BLZF1: variants seen among roughly 807,000 people sequenced by gnomAD.
BLZF1 encodes golgin-45.
In BLZF1, 39 loss-of-function variants were observed where a neutral mutation model predicts 43.8. That is an observed-to-expected ratio of 0.89 (90% confidence interval 0.69 to 1.16). BLZF1 has a LOEUF of 1.16. BLZF1 is among the 50% of genes most tolerant of loss of function. The probability of loss-of-function intolerance (pLI) is 0.00; values close to 1 mark genes in which losing one functional copy is unlikely to be tolerated. For missense variants in BLZF1, 449 were observed against 469.8 expected (o/e 0.96, Z 0.41); for synonymous variants, 136 against 159.4 (o/e 0.85, Z 1.11).
rs1326927214 is a variant in BLZF1, at chr1:169,387,418, C to A, written c.*236C>A. ...TTTAAAATAGAGAATACTTTCCAAG[C>A]AATACATGATACTTTTCCTAAAAGA... is the stretch of plus-strand genomic sequence containing the variant. On this transcript the variant is annotated 3_prime_UTR_variant, in exon 7 of 7. Coordinates refer to ENST00000367808, the MANE Select transcript of BLZF1 (RefSeq NM_001320973.2). 2.9e-6 allele frequency: 1 copy of A among 347,750 alleles called. No individual in the cohort carries two copies. The highest frequency in any genetic ancestry group is 5.3e-5 in the East Asian group (1 of 18,950). The allele number at this position is 347,750 out of a possible 1,614,324, so 21.5% of individuals were successfully genotyped here.
intron 7 of BLZF1, chr1:169,395,831 G>T (rs1228589169): frequency 1.4e-5 from 2 of 145,876 alleles, no homozygotes; most frequent in Non-Finnish European, 3.0e-5. Context: ...TGGTATGTTT[G>T]TGTGTGTGTG....
chr1:169,395,962 G>A (rs901570942), exon 8 of BLZF1: 1 of 151,640 alleles, frequency 6.6e-6, no homozygotes, highest in African/African-American at 2.4e-5. Flanking sequence ...GATGATATGT[G>A]GTCCTGAATT....
rs1459057155 is a variant in BLZF1 at position 169,394,958 on chromosome 1, TTTA to T, written c.*28-935_*28-933del. 1,582 of 1,172,120 alleles carry T rather than the reference TTTA, an allele frequency of 1.3e-3. 13 individuals carry two copies. The African/African-American group carries it at 0.021, about 16-fold the overall frequency. 72.6% of individuals were successfully genotyped at this position (1,172,120 alleles called of 1,614,324 possible). ...TAAAAGATAAATACCATTTCCATAATTTAGAATACAACCAAAGTACACAGACCC... is the reference window on the plus strand; with the variant it reads ...TAAAAGATAAATACCATTTCCATAATGAATACAACCAAAGTACACAGACCC... On this transcript the variant is annotated intron_variant, in intron 7 of 7. Transcript: ENST00000329281.
chr1:169,373,002 T>C (rs1253841357), intron 2 of BLZF1, among the ~76,000 whole-genome samples: 1 of 152,200 alleles, frequency 6.6e-6, no homozygotes, highest in African/African-American at 2.4e-5. Context: ...ATTGTTGTTA[T>C]AGTTTGAATT....
intron 2 of BLZF1, among the ~76,000 whole-genome samples, chr1:169,371,286 C>T (rs1007495154): frequency 7.9e-5 from 12 of 152,046 alleles, no homozygotes; most frequent in Admixed American, 6.6e-4. Flanking sequence ...TGTCAAAAAG[C>T]AAAAACTAAA....
chr1:169,383,141 C>T (rs1654574561), intron 6 of BLZF1, among the ~76,000 whole-genome samples: 2 of 152,132 alleles, frequency 1.3e-5, no homozygotes, highest in South Asian at 4.1e-4. Flanking sequence ...TATTTCAGTA[C>T]CCATCAAATA....
In BLZF1 at chr1:169,387,267, T is replaced by C. The variant is rs1210443489; in HGVS notation, c.*85T>C. The C allele has an allele frequency of 1.7e-5, 21 of 1,204,598 alleles. No homozygotes were observed. Among genetic ancestry groups the C allele is most frequent in the Non-Finnish European group, 2.5e-5 (21 of 848,032 alleles). 74.6% of individuals were successfully genotyped at this position (1,204,598 alleles called of 1,614,324 possible). On this transcript the variant is annotated 3_prime_UTR_variant, in exon 7 of 7. Coordinates refer to ENST00000367808, the MANE Select transcript of BLZF1 (RefSeq NM_001320973.2). Reference sequence around the variant, plus strand: ...TTGGGAGCTGGGGTTCTTACAATGCTAGAAATAATATCACTTCCTATTTAC... The same window carrying C: ...TTGGGAGCTGGGGTTCTTACAATGCCAGAAATAATATCACTTCCTATTTAC...
Position 169,382,119 on chromosome 1 carries a change from T to C in BLZF1, c.855T>C (p.Pro285=), listed in dbSNP as rs769948503. The change falls in exon 6 of 7, where the codon CCT becomes CCC. Residue 285 remains proline (P), a synonymous_variant. Transcript: ENST00000367808. ...GGGGAAGAGAGCAAACTTACTCCCC[T>C]AGTGTACAACCCCACAGCACAGCAG... The part of the protein sequence containing the change: ...LQWGREQTYS[P]SVQPHSTAEL... 3 of 1,613,878 alleles carry C rather than the reference T, an allele frequency of 1.9e-6. No homozygotes were observed. Among genetic ancestry groups the C allele is most frequent in the Non-Finnish European group, 2.5e-6 (3 of 1,179,792 alleles).
downstream of BLZF1, among the ~76,000 whole-genome samples, chr1:169,392,587 C>T (rs1318793451): frequency 6.6e-6 from 1 of 152,166 alleles, no homozygotes; most frequent in East Asian, 1.9e-4. Flanking sequence ...GCACATAGCT[C>T]CTAAAACCCT....
chr1:169,394,271 GCTAATTTT>G (rs1375264966), intron 7 of BLZF1, among the ~76,000 whole-genome samples: 1 of 152,026 alleles, frequency 6.6e-6, no homozygotes, highest in Non-Finnish European at 1.5e-5. Context: ...ATAAAAGTTG[GCTAATTTT>G]GTAACATACC....
intron 7 of BLZF1, among the ~76,000 whole-genome samples, chr1:169,393,599 AC>A (rs1433417296): frequency 1.4e-5 from 2 of 145,432 alleles, no homozygotes; most frequent in Admixed American, 6.8e-5. Flanking sequence ...AAAAAAAAAA[AC>A]AACTTTGTCT....
intron 6 of BLZF1, among the ~76,000 whole-genome samples, chr1:169,382,980 TA>T (rs1399514565): frequency 2.0e-5 from 3 of 152,030 alleles, no homozygotes; most frequent in Non-Finnish European, 2.9e-5. Context: ...TTGGTCCCTA[TA>T]TTTTTTTATG....
chr1:169,376,458 G>C, intron 2 of BLZF1, 82 bp from the exon 3 acceptor site: 1 of 1,139,786 alleles, frequency 8.8e-7, no homozygotes, highest in Non-Finnish European at 1.2e-6. Context: ...CAGTAATTTT[G>C]AATATAGGGT....
At chr1:169,369,666 G>T in intron 2 of BLZF1, 116 bp downstream of exon 2, 2 of 706,812 alleles carry the variant, frequency 2.8e-6, no homozygotes, top group Admixed American at 2.9e-5. Context: ...TGTTATTTCA[G>T]ATCCCTTTAT....
At chr1:169,386,010 G>T (rs1375119348) in intron 6 of BLZF1, among the ~76,000 whole-genome samples, 1 of 152,138 alleles carries the variant, frequency 6.6e-6, no homozygotes, top group Non-Finnish European at 1.5e-5. Flanking sequence ...GTGATGACTG[G>T]GAAAATAGGA....
intron 3 of BLZF1, chr1:169,377,290 AT>A (rs35085160): frequency 0.29 from 96,511 of 333,274 alleles, 16,971 homozygotes; most frequent in Non-Finnish European, 0.37. Context: ...AGGCATAGTA[AT>A]TGACCAGCAG....
intron 2 of BLZF1, among the ~76,000 whole-genome samples, chr1:169,373,320 A>G (rs1224613342): frequency 6.6e-6 from 1 of 152,196 alleles, no homozygotes; most frequent in Non-Finnish European, 1.5e-5. Context: ...GTGGGGAAGA[A>G]TAAGGATTGG....
rs1434944285 is a variant in BLZF1 at position 169,369,638 on chromosome 1, A to G, written c.28+88A>G. ...TGAGCCAGATAACTAGATCTCATGGACCCCCTTGGGAATCATTTGTTATTT... is the reference window on the plus strand; with the variant it reads ...TGAGCCAGATAACTAGATCTCATGGGCCCCCTTGGGAATCATTTGTTATTT... On this transcript the variant is annotated intron_variant, in intron 2 of 6. Coordinates refer to ENST00000367808, the MANE Select transcript of BLZF1 (RefSeq NM_001320973.2). 6 of 927,164 alleles carry G rather than the reference A, an allele frequency of 6.5e-6. No individual in the cohort carries two copies. In the African/African-American group the frequency reaches 6.7e-5, roughly 10 times the overall value. 57.4% of individuals were successfully genotyped at this position (927,164 alleles called of 1,614,324 possible).
chr1:169,386,635 C>T (rs1217415917), intron 6 of BLZF1, among the ~76,000 whole-genome samples: 4 of 148,494 alleles, frequency 2.7e-5, no homozygotes, highest in Non-Finnish European at 5.9e-5. Flanking sequence ...GCCGAGATCG[C>T]GCCACTGCAC....
Sources: allele counts gnomAD v4.1 joint callset (sites outside exome capture counted in the v4.1 genomes callset), GRCh38; gene constraint gnomAD v4.1.1; transcripts MANE v1.5; gene names NCBI Gene and HGNC (gene_info 2026-07-23, HGNC 2026-07-21).